Variants in SPAG9 observed in about 807,000 individuals in gnomAD.
SPAG9 encodes sperm associated antigen 9, also known as C-Jun-amino-terminal kinase-interacting protein 4.
Under a neutral mutation model 166.5 loss-of-function variants are expected in SPAG9, and 35 were observed. That is an observed-to-expected ratio of 0.21 (90% CI 0.16 to 0.28). SPAG9 has a LOEUF of 0.28. Among genes scored for constraint, SPAG9 ranks in the 10% least tolerant of loss-of-function variants. SPAG9 has a pLI of 1.00. For missense variants in SPAG9, 1,235 were observed against 1,603.3 expected, an observed-to-expected ratio of 0.77 and a Z score of 3.92; for synonymous variants, 534 against 565.5, an observed-to-expected ratio of 0.94 and a Z score of 0.79.
intron 1 of SPAG9, among the ~76,000 whole-genome samples, chr17:51,099,500 G>A (rs577471996): frequency 3.3e-5 from 5 of 150,626 alleles, no homozygotes; most frequent in African/African-American, 9.7e-5. Context: ...AACTTGTGAC[G>A]TCATCTCAGC....
chr17:51,103,496 G>A (rs2048860748), intron 1 of SPAG9, among the ~76,000 whole-genome samples: 1 of 152,188 alleles, frequency 6.6e-6, no homozygotes, highest in Admixed American at 6.6e-5. Flanking sequence ...AAGGCCTGGA[G>A]AGAGGATACT....
At chr17:51,074,266 A>C (rs1263497690) in intron 2 of SPAG9, among the ~76,000 whole-genome samples, 1 of 151,890 alleles carries the variant, frequency 6.6e-6, no homozygotes. Context: ...AAACAAAAAA[A>C]ACACAAAAAT....
chr17:51,060,114 C>T (rs1157890185), intron 2 of SPAG9, among the ~76,000 whole-genome samples: 26 of 152,018 alleles, frequency 1.7e-4, no homozygotes, highest in Admixed American at 1.6e-3. Flanking sequence ...TATCTCCTGA[C>T]CTATTATGGA....
intron 1 of SPAG9, among the ~76,000 whole-genome samples, chr17:51,116,439 G>A (rs2049290056): frequency 6.6e-6 from 1 of 152,098 alleles, no homozygotes; most frequent in Non-Finnish European, 1.5e-5. Context: ...TCTCTCTCCA[G>A]ATCATTTTGT....
At chr17:51,027,533 CATA>C (rs1216623711) in intron 6 of SPAG9, among the ~76,000 whole-genome samples, 2 of 152,022 alleles carry the variant, frequency 1.3e-5, no homozygotes, top group Admixed American at 6.6e-5. Flanking sequence ...GCCACATCTG[CATA>C]ATGACATTTT....
At chr17:51,089,021 AGGCAG>A (rs1568076396) in intron 1 of SPAG9, among the ~76,000 whole-genome samples, 1 of 151,386 alleles carries the variant, frequency 6.6e-6, no homozygotes, top group Non-Finnish European at 1.5e-5. Context: ...TGAACCTGGT[AGGCAG>A]GGGTTGCGGT....
chr17:50,996,513 C>T (rs1225342079), intron 16 of SPAG9, 52 bp downstream of exon 16: 22 of 1,609,568 alleles, frequency 1.4e-5, no homozygotes, highest in African/African-American at 2.7e-5. Flanking sequence ...CACGCACACT[C>T]AACTTGCCCT....
rs1408223926 is a variant in SPAG9, at chr17:50,963,144, T to C, written c.*3128A>G. 2.6e-5 allele frequency: 4 copies of C among 152,212 alleles called. No individual in the cohort carries two copies. The highest frequency in any genetic ancestry group is 2.6e-4 in the Admixed American group (4 of 15,282). The allele number at this position is 152,212 out of a possible 1,614,324, so 9.4% of individuals were successfully genotyped here. On this transcript the variant is annotated 3_prime_UTR_variant, in exon 30 of 30. Coordinates refer to ENST00000262013, the MANE Select transcript of SPAG9 (RefSeq NM_001130528.3). ...ACTGGCAATTTCATATGGTTCAACC[T>C]TGCACATGACTCAAGTGTAAAAAAA...
chr17:51,021,192 T>C lies in SPAG9; in HGVS notation c.957A>G (p.Val319=). The C allele has an allele frequency of 6.2e-7, 1 of 1,614,072 alleles. No individual in the cohort carries two copies. The highest frequency in any genetic ancestry group is 8.5e-7 in the Non-Finnish European group (1 of 1,179,972). ...CATTTCTAGTTTCCTGGGCTACCTG[T>C]ACTTCAATGTGTTTGCTTATCTCTG... ...NKSEISKHIE[V]QVAQETRNVS... Residue 319 remains valine (V), a synonymous_variant, in exon 7 of 30, where the codon GTA becomes GTG. Coordinates refer to ENST00000262013, the MANE Select transcript of SPAG9 (RefSeq NM_001130528.3).
chr17:51,053,874 T>A (rs1203806602), intron 3 of SPAG9, among the ~76,000 whole-genome samples: 4 of 99,768 alleles, frequency 4.0e-5, no homozygotes, highest in African/African-American at 2.2e-4. Context: ...TATATATATA[T>A]ATATATATAT....
chr17:51,004,064 A>G (rs1170231368), intron 12 of SPAG9, among the ~76,000 whole-genome samples: 2 of 152,272 alleles, frequency 1.3e-5, no homozygotes, highest in African/African-American at 4.8e-5. Context: ...AAAACATGCC[A>G]CTGAGGAAAA....
chr17:50,997,443 A>G (rs2044728910), intron 15 of SPAG9, among the ~76,000 whole-genome samples: 3 of 152,242 alleles, frequency 2.0e-5, no homozygotes, highest in Non-Finnish European at 4.4e-5. Context: ...GCTTAGGAAG[A>G]TTGATATAGG....
At chr17:50,993,095 C>CA (rs71149332) in intron 19 of SPAG9, among the ~76,000 whole-genome samples, 4,190 of 75,368 alleles carry the variant, frequency 0.056, 377 homozygotes, top group African/African-American at 0.2. Flanking sequence ...GACTCCATCT[C>CA]AAAAAAAAAA....
At chr17:51,066,567 GAAA>G (rs71149340) in intron 2 of SPAG9, among the ~76,000 whole-genome samples, 1 of 110,838 alleles carries the variant, frequency 9.0e-6, no homozygotes, top group Non-Finnish European at 1.8e-5. Context: ...AAAAAAAAAA[GAAA>G]AAAAAAAAAA....
intron 19 of SPAG9, among the ~76,000 whole-genome samples, chr17:50,992,178 A>G (rs1424165702): frequency 2.6e-5 from 4 of 151,756 alleles, no homozygotes; most frequent in African/African-American, 9.7e-5. Flanking sequence ...GTGAACCTCC[A>G]TGGCCGGCCT....
chr17:50,975,052 G>A, intron 27 of SPAG9, 105 bp from the exon 28 acceptor site: 1 of 1,091,412 alleles, frequency 9.2e-7, no homozygotes, highest in South Asian at 1.6e-5. Flanking sequence ...GCTACAGCCA[G>A]TTGAGATAAA....
intron 6 of SPAG9, among the ~76,000 whole-genome samples, chr17:51,023,094 ACTT>A (rs1248426963): frequency 6.7e-6 from 1 of 149,054 alleles, no homozygotes; most frequent in Non-Finnish European, 1.5e-5. Context: ...AACAGTATCT[ACTT>A]CTTAAGATTC....
Position 51,068,799 on chromosome 17 carries a change from A to G in SPAG9, c.424+10785T>C, listed in dbSNP as rs377196345. 4.2e-4 allele frequency among the ~76,000 whole-genome samples: 64 copies of G among 152,312 alleles called. 2 individuals are homozygous for G. In the South Asian group the frequency reaches 0.012, roughly 29 times the overall value. Reference sequence around the variant, plus strand: ...TTTTACTCATAAACTTAATTTTCTGATACCTTTAGTTCTAGATATTAATTA... The same window carrying G: ...TTTTACTCATAAACTTAATTTTCTGGTACCTTTAGTTCTAGATATTAATTA... On this transcript the variant is annotated intron_variant, in intron 2 of 29. Transcript: ENST00000262013.
rs181257874 is a variant in SPAG9, at chr17:51,019,197, C to A, written c.1091+962G>T. Among the ~76,000 whole-genome samples the A allele has an allele frequency of 2.0e-3, 308 of 152,336 alleles. 3 individuals carry two copies. Among genetic ancestry groups the A allele is most frequent in the African/African-American group, 7.1e-3 (297 of 41,582 alleles). ...GCAAAGAGCAGCCCTCACCAGACAC[C>A]TGACCCTGCCAGCACCTTGATCTTG... On this transcript the variant is annotated intron_variant, in intron 8 of 29. Coordinates refer to ENST00000262013, the MANE Select transcript of SPAG9 (RefSeq NM_001130528.3).
Sources: allele counts gnomAD v4.1 joint callset (sites outside exome capture counted in the v4.1 genomes callset), GRCh38; gene constraint gnomAD v4.1.1; transcripts MANE v1.5; gene names NCBI Gene and HGNC (gene_info 2026-07-23, HGNC 2026-07-21).